The following PCGF5 variants were observed in gnomAD, a reference collection of about 807,000 sequenced individuals.
PCGF5 encodes the protein polycomb group ring finger 5.
In PCGF5, 9 loss-of-function variants were observed where a neutral mutation model predicts 44.3. That is an observed-to-expected ratio of 0.20 (90% CI 0.12 to 0.35). The LOEUF (loss-of-function observed/expected upper bound fraction) is 0.35, where lower values mean the gene tolerates loss of function less well. Among genes scored for constraint, PCGF5 ranks in the 10% least tolerant of loss-of-function variants. PCGF5 has a pLI of 1.00. For missense variants in PCGF5, 146 were observed against 305.3 expected, an observed-to-expected ratio of 0.48 and a Z score of 3.89; for synonymous variants, 95 against 102.5, an observed-to-expected ratio of 0.93 and a Z score of 0.44.
intron 2 of PCGF5, among the ~76,000 whole-genome samples, chr10:91,229,451 T>G (rs1439785213): frequency 2.0e-5 from 3 of 152,174 alleles, no homozygotes; most frequent in African/African-American, 7.2e-5. Flanking sequence ...TATTTCAGAT[T>G]CTTATTCCAG....
At chr10:91,272,459 A>C (rs1846201362) in intron 9 of PCGF5, among the ~76,000 whole-genome samples, 1 of 151,124 alleles carries the variant, frequency 6.6e-6, no homozygotes, top group Non-Finnish European at 1.5e-5. Context: ...AGTCTGGGCA[A>C]TATAGCAAGA....
upstream of PCGF5, among the ~76,000 whole-genome samples, chr10:91,161,491 A>G (rs1331152974): frequency 5.3e-5 from 8 of 152,242 alleles, no homozygotes; most frequent in East Asian, 1.5e-3. Flanking sequence ...GAAGGCTCTT[A>G]GCCTAGGAAT....
At chr10:91,161,500 A>C (rs1045931409), upstream of PCGF5, among the ~76,000 whole-genome samples, 1 of 152,202 alleles carries the variant, frequency 6.6e-6, no homozygotes, top group Non-Finnish European at 1.5e-5. Context: ...TAGCCTAGGA[A>C]TTAGCTGTAA....
intron 1 of PCGF5, among the ~76,000 whole-genome samples, chr10:91,168,803 C>T (rs1047424466): frequency 6.6e-6 from 1 of 151,804 alleles, no homozygotes; most frequent in Admixed American, 6.6e-5. Context: ...TGGTGTGTGT[C>T]TGTAATCTCA....
upstream of PCGF5, among the ~76,000 whole-genome samples, chr10:91,159,080 T>C (rs1665902684): frequency 6.6e-6 from 1 of 152,170 alleles, no homozygotes. Flanking sequence ...AACTGAGCAC[T>C]TCTTTAAACA....
intron 9 of PCGF5, among the ~76,000 whole-genome samples, chr10:91,274,365 A>G (rs1440424793): frequency 6.6e-6 from 1 of 152,222 alleles, no homozygotes; most frequent in Non-Finnish European, 1.5e-5. Flanking sequence ...TGAAGTAATT[A>G]AAATAAGGTC....
intron 8 of PCGF5, among the ~76,000 whole-genome samples, chr10:91,266,033 A>G (rs1048310496): frequency 1.3e-5 from 2 of 152,224 alleles, no homozygotes; most frequent in Admixed American, 6.5e-5. Context: ...ACATACATCA[A>G]TCACCCTCAG....
intron 2 of PCGF5, among the ~76,000 whole-genome samples, chr10:91,239,951 G>A (rs1384537288): frequency 2.0e-5 from 3 of 152,046 alleles, no homozygotes; most frequent in Non-Finnish European, 2.9e-5. Flanking sequence ...TGGAATTATA[G>A]TACCTATGAG....
intron 1 of PCGF5, among the ~76,000 whole-genome samples, chr10:91,181,606 A>G (rs1843819972): frequency 6.6e-6 from 1 of 152,198 alleles, no homozygotes; most frequent in African/African-American, 2.4e-5. Flanking sequence ...TTCTGCATCT[A>G]TTGAGTTAAT....
intron 1 of PCGF5, among the ~76,000 whole-genome samples, chr10:91,200,823 A>G (rs1844238215): frequency 6.6e-6 from 1 of 152,170 alleles, no homozygotes; most frequent in African/African-American, 2.4e-5. Context: ...CCAATTCATA[A>G]GGGTGTTGAG....
intron 1 of PCGF5, among the ~76,000 whole-genome samples, chr10:91,211,210 C>T (rs79397240): frequency 0.036 from 5,430 of 152,242 alleles, 298 homozygotes; most frequent in African/African-American, 0.12. Flanking sequence ...GCTGTTTATG[C>T]ACATGTATAC....
At chr10:91,241,323 C>A (rs1162889966) in intron 3 of PCGF5, among the ~76,000 whole-genome samples, 1 of 152,060 alleles carries the variant, frequency 6.6e-6, no homozygotes, top group Non-Finnish European at 1.5e-5. Flanking sequence ...CCTGCCTCGG[C>A]CTCCCAAAGT....
chr10:91,201,445 A>G (rs1391502428), intron 1 of PCGF5, among the ~76,000 whole-genome samples: 1 of 152,210 alleles, frequency 6.6e-6, no homozygotes, highest in Non-Finnish European at 1.5e-5. Context: ...AGCACATGAA[A>G]TTTGGGGAAC....
chr10:91,248,451 T>A (rs1845528074), intron 3 of PCGF5, 54 bp from the exon 4 acceptor site: 1 of 1,435,380 alleles, frequency 7.0e-7, no homozygotes, highest in East Asian at 2.3e-5. Context: ...ACTATTTACA[T>A]GTCAGATCTT....
intron 2 of PCGF5, among the ~76,000 whole-genome samples, chr10:91,225,220 TGA>T (rs1844788620): frequency 6.8e-6 from 1 of 147,768 alleles, no homozygotes; most frequent in East Asian, 1.9e-4. Context: ...ATCATATATT[TGA>T]TATATATCAT....
rs191186117 is a variant in PCGF5, at chr10:91,252,745, C to T, written c.474+1305C>T. 1.8e-4 allele frequency among the ~76,000 whole-genome samples: 28 copies of T among 152,134 alleles called. No homozygotes were observed. In the East Asian group the frequency reaches 4.6e-3, roughly 25 times the overall value. On this transcript the variant is annotated intron_variant, in intron 6 of 9. Coordinates refer to ENST00000336126, the MANE Select transcript of PCGF5 (RefSeq NM_032373.5). ...TTTAGCTCTCCAATACATGAGTTAG[C>T]TCATACTGAAAGTTAAATCAATGGA...
At chr10:91,217,037 A>C (rs1032818251), upstream of PCGF5, among the ~76,000 whole-genome samples, 20 of 145,674 alleles carry the variant, frequency 1.4e-4, no homozygotes, top group African/African-American at 5.5e-4. Context: ...TGAAAATTTC[A>C]CCTTTTTTTT....
intron 2 of PCGF5, among the ~76,000 whole-genome samples, chr10:91,233,115 A>G (rs538969495): frequency 2.6e-5 from 4 of 152,300 alleles, no homozygotes; most frequent in South Asian, 2.1e-4. Flanking sequence ...GACACTATCA[A>G]GGGTATGTGT....
rs767691267 is a variant in PCGF5, at chr10:91,251,271, A to G, written c.326-21A>G. 1.8e-5 allele frequency: 29 copies of G among 1,572,800 alleles called. 1 individual carries two copies. The highest frequency in any genetic ancestry group is 2.3e-5 in the Non-Finnish European group (27 of 1,150,202). ...ATCAACTTTGATTTATAGCTAACTTAGTTTTGTTTAAATTATACAGATGAT... is the reference window on the plus strand; with the variant it reads ...ATCAACTTTGATTTATAGCTAACTTGGTTTTGTTTAAATTATACAGATGAT... On this transcript the variant is annotated intron_variant, in intron 5 of 9. Coordinates refer to ENST00000336126, the MANE Select transcript of PCGF5 (RefSeq NM_032373.5).
Sources: allele counts gnomAD v4.1 joint callset (sites outside exome capture counted in the v4.1 genomes callset), GRCh38; gene constraint gnomAD v4.1.1; transcripts MANE v1.5; gene names NCBI Gene and HGNC (gene_info 2026-07-23, HGNC 2026-07-21).